Variants in LAMC1 observed in about 807,000 individuals in gnomAD.
LAMC1 encodes the protein laminin subunit gamma 1, also known as laminin subunit gamma-1.
A neutral mutation model predicts 173.6 loss-of-function variants in LAMC1; 38 were observed. That is an observed-to-expected ratio of 0.22 (90% confidence interval 0.17 to 0.29). The LOEUF (loss-of-function observed/expected upper bound fraction) is 0.29, where lower values mean the gene tolerates loss of function less well. Ranked by LOEUF, LAMC1 falls within the 10% of genes least tolerant of loss-of-function variation. The pLI is 1.00. For missense variants in LAMC1, 1,824 were observed against 2,051.8 expected, an observed-to-expected ratio of 0.89 and a Z score of 2.14; for synonymous variants, 746 against 749.1, an observed-to-expected ratio of 1.00 and a Z score of 0.07.
At chr1:183,130,319 G>T (rs749335516) in intron 18 of LAMC1, 25 bp from the exon 19 acceptor site, 16 of 1,584,354 alleles carry the variant, frequency 1.0e-5, no homozygotes, top group Admixed American at 1.7e-5. Context: ...ATAATTTACA[G>T]ACTTTCTTCT....
In LAMC1 at chr1:183,142,417, C is replaced by G. The variant is rs947926805; in HGVS notation, c.4574-117C>G. The G allele has an allele frequency of 7.6e-6, 8 of 1,053,074 alleles. No homozygotes were observed. The African/African-American group carries it at 1.3e-4, about 17-fold the overall frequency. 65.2% of individuals were successfully genotyped at this position (1,053,074 alleles called of 1,614,324 possible). ...ATCAACAATCTGCAAGTCACATTTG[C>G]CGGGCTGCCTGTGCAGAATGGCAGC... On this transcript the variant is annotated intron_variant, in intron 27 of 27. Coordinates refer to ENST00000258341, the MANE Select transcript of LAMC1 (RefSeq NM_002293.4).
At chr1:183,070,847 G>A (rs531604322) in intron 1 of LAMC1, among the ~76,000 whole-genome samples, 2 of 152,228 alleles carry the variant, frequency 1.3e-5, no homozygotes, top group African/African-American at 2.4e-5. Flanking sequence ...GCAGTGGGTA[G>A]GGATGAGTTC....
chr1:183,077,795 T>TATATATATATATATATATAC (rs1458377650), intron 1 of LAMC1, among the ~76,000 whole-genome samples: 2 of 147,228 alleles, frequency 1.4e-5, no homozygotes, highest in East Asian at 2.0e-4. Context: ...TATATATATA[T>TATATATATATATATATATAC]ACAGTAGCAC....
At chr1:183,081,414 G>A (rs1004213450) in intron 1 of LAMC1, among the ~76,000 whole-genome samples, 1 of 151,548 alleles carries the variant, frequency 6.6e-6, no homozygotes, top group African/African-American at 2.4e-5. Flanking sequence ...CTTGGCCAAC[G>A]TGGTGAAACC....
At chr1:183,041,567 C>T (rs1453942100) in intron 1 of LAMC1, among the ~76,000 whole-genome samples, 3 of 152,134 alleles carry the variant, frequency 2.0e-5, no homozygotes, top group Non-Finnish European at 4.4e-5. Flanking sequence ...CTCTCTTTCC[C>T]CCATTAGCTG....
chr1:183,108,204 C>A, intron 2 of LAMC1, 72 bp from the exon 3 acceptor site: 1 of 1,413,394 alleles, frequency 7.1e-7, no homozygotes, highest in Non-Finnish European at 9.9e-7. Context: ...TGATTTAGAA[C>A]ATTTTGTCAC....
In LAMC1 at chr1:183,127,290, C is replaced by T. The variant is rs116448311; in HGVS notation, c.3009C>T (p.Cys1003=). 6,068 of 1,614,114 alleles carry T rather than the reference C, an allele frequency of 3.8e-3. 25 individuals carry two copies. Among genetic ancestry groups the T allele is most frequent in the Non-Finnish European group, 4.7e-3 (5,538 of 1,179,982 alleles). ...LQCKDDGRCE[C]REGFVGNRCD... is the part of the protein sequence containing the mutation. Reference sequence around the variant, plus strand: ...GCAAAGATGATGGTCGCTGTGAATGCAGAGAAGGCTTTGTGGGAAATCGCT... The same window carrying T: ...GCAAAGATGATGGTCGCTGTGAATGTAGAGAAGGCTTTGTGGGAAATCGCT... Residue 1003 remains cysteine, a synonymous_variant, in exon 17 of 28, where the codon TGC becomes TGT. Coordinates refer to ENST00000258341, the MANE Select transcript of LAMC1 (RefSeq NM_002293.4).
At chr1:183,120,532 G>T (rs1369843685) in intron 11 of LAMC1, among the ~76,000 whole-genome samples, 2 of 152,154 alleles carry the variant, frequency 1.3e-5, no homozygotes, top group Non-Finnish European at 2.9e-5. Context: ...TAAACAGCAA[G>T]TGCTATTTCA....
intron 1 of LAMC1, among the ~76,000 whole-genome samples, chr1:183,064,093 A>G (rs10797829): frequency 0.5 from 76,332 of 152,038 alleles, 19,803 homozygotes; most frequent in South Asian, 0.64. Context: ...TTAAACTATG[A>G]CCAAGTACAG....
At chr1:183,135,626 T>A (rs1656916321) in intron 24 of LAMC1, among the ~76,000 whole-genome samples, 2 of 152,140 alleles carry the variant, frequency 1.3e-5, no homozygotes, top group Admixed American at 1.3e-4. Flanking sequence ...CACGGTGGCC[T>A]GTAATCCCAA....
intron 1 of LAMC1, among the ~76,000 whole-genome samples, chr1:183,029,597 C>T (rs564088112): frequency 6.6e-6 from 1 of 152,280 alleles, no homozygotes; most frequent in East Asian, 1.9e-4. Context: ...TGGAACACTT[C>T]TCCCAGGTGT....
chr1:183,037,933 C>T (rs1472987599), intron 1 of LAMC1, among the ~76,000 whole-genome samples: 2 of 152,016 alleles, frequency 1.3e-5, no homozygotes, highest in African/African-American at 4.8e-5. Flanking sequence ...TATAGTAGAA[C>T]TTCACAGGTT....
chr1:183,136,612 C>T (rs754800487), intron 25 of LAMC1, 27 bp downstream of exon 25: 30 of 1,542,974 alleles, frequency 1.9e-5, no homozygotes, highest in African/African-American at 2.7e-5. Context: ...CTCCAAGAGT[C>T]CCTGCCCATA....
chr1:183,115,793 G>A (rs186853558), intron 6 of LAMC1, among the ~76,000 whole-genome samples, 156 bp downstream of exon 6: 46 of 152,314 alleles, frequency 3.0e-4, no homozygotes, highest in African/African-American at 1.1e-3. Flanking sequence ...GCCACAAGGG[G>A]TTTGGCTTGT....
intron 8 of LAMC1, 77 bp from the exon 9 acceptor site, chr1:183,117,242 AT>A: frequency 3.4e-6 from 5 of 1,486,788 alleles, no homozygotes; most frequent in Non-Finnish European, 4.5e-6. Context: ...GGTCTTACAC[AT>A]TTTTATGATA....
chr1:183,143,525 A>T lies in LAMC1; in HGVS notation c.*735A>T, dbSNP rs1373715068. 1 of 152,614 alleles carries T rather than the reference A, an allele frequency of 6.6e-6. No homozygotes were observed. Among genetic ancestry groups the T allele is most frequent in the Non-Finnish European group, 1.5e-5 (1 of 68,034 alleles). 9.5% of individuals were successfully genotyped at this position (152,614 alleles called of 1,614,324 possible). ...GATCTTTGGGCAGCTGATAATTTAA[A>T]TCTGGATGGGCAGCTTGCACTCACC... On this transcript the variant is annotated 3_prime_UTR_variant, in exon 28 of 28. Transcript: ENST00000258341.
chr1:183,082,187 C>T (rs951925009), intron 1 of LAMC1, among the ~76,000 whole-genome samples: 1 of 152,142 alleles, frequency 6.6e-6, no homozygotes, highest in Admixed American at 6.5e-5. Flanking sequence ...AATAAAATTT[C>T]TATAAACACA....
At chr1:183,098,299 C>G (rs1655745674) in intron 1 of LAMC1, among the ~76,000 whole-genome samples, 2 of 152,192 alleles carry the variant, frequency 1.3e-5, no homozygotes, top group South Asian at 2.1e-4. Flanking sequence ...CTTAGTGTTC[C>G]AGTTCTGGTT....
At chr1:183,136,280 C>A in intron 24 of LAMC1, 106 bp from the exon 25 acceptor site, 2 of 925,220 alleles carry the variant, frequency 2.2e-6, no homozygotes, top group Non-Finnish European at 3.4e-6. Flanking sequence ...CATTTTTTAC[C>A]CTGACTTCCA....
Sources: gnomAD v4.1 joint callset for allele counts (sites outside exome capture counted in the v4.1 genomes callset) on GRCh38, gnomAD v4.1.1 for gene constraint, MANE v1.5 for transcripts, NCBI Gene and HGNC (gene_info 2026-07-23, HGNC 2026-07-21) for gene names.